NOL4L: variants seen among roughly 807,000 people sequenced by gnomAD.
The protein encoded by NOL4L is nucleolar protein 4 like.
NOL4L carries 7 observed loss-of-function variants against 64.5 expected under a neutral mutation model. That is an observed-to-expected ratio of 0.11 (90% CI 0.06 to 0.20). The LOEUF is 0.20. Ranked by LOEUF, NOL4L falls within the 10% of genes least tolerant of loss-of-function variation. The probability of loss-of-function intolerance (pLI) is 1.00; values close to 1 mark genes in which losing one functional copy is unlikely to be tolerated. For synonymous variants in NOL4L, 413 were observed against 401.0 expected (o/e 1.03, Z -0.36); for missense variants, 680 against 967.1 (o/e 0.70, Z 3.94).
chr20:32,534,516 T>G (rs2018448012), intron 1 of NOL4L, among the ~76,000 whole-genome samples: 1 of 152,224 alleles, frequency 6.6e-6, no homozygotes, highest in Admixed American at 6.5e-5. Context: ...TCCCAACTTC[T>G]GCAATCATGC....
intron 5 of NOL4L, 41 bp downstream of exon 5, chr20:32,474,560 C>A: frequency 6.3e-7 from 1 of 1,583,602 alleles, no homozygotes; most frequent in Non-Finnish European, 8.6e-7. Flanking sequence ...AGCAGGGGGC[C>A]GGGCACAGCC....
chr20:32,475,370 G>GCGGGGCAGGCCAGGGTT lies in NOL4L; in HGVS notation c.700-645_700-629dup, dbSNP rs1429023776. The GCGGGGCAGGCCAGGGTT allele has an allele frequency of 3.0e-6, 3 of 984,736 alleles. No homozygotes were observed. In the East Asian group the frequency reaches 3.4e-4, roughly 112 times the overall value. 61.0% of individuals were successfully genotyped at this position (984,736 alleles called of 1,614,324 possible). On this transcript the variant is annotated intron_variant, in intron 4 of 10. Coordinates refer to ENST00000621426, the MANE Select transcript of NOL4L (RefSeq NM_001256798.2). The stretch of plus-strand genomic sequence containing the variant: ...CCCAGAAGTGCAGAGAAGGAAGGGG[G>GCGGGGCAGGCCAGGGTT]CGGGGCAGGCCAGGGTTCGGACCAG...
chr20:32,488,880 T>TTTCTTTCTTTC (rs2016326452), intron 4 of NOL4L, among the ~76,000 whole-genome samples: 4 of 99,938 alleles, frequency 4.0e-5, no homozygotes, highest in East Asian at 2.9e-4. Flanking sequence ...TCTTTCTTTC[T>TTTCTTTCTTTC]TTCTTTCTTT....
chr20:32,530,921 C>CAA (rs561269935), intron 1 of NOL4L, among the ~76,000 whole-genome samples: 6 of 142,598 alleles, frequency 4.2e-5, no homozygotes, highest in African/African-American at 1.5e-4. Context: ...AACTCCATCT[C>CAA]AAAAAAAAAA....
intron 5 of NOL4L, chr20:32,465,041 G>A: frequency 3.1e-6 from 2 of 635,490 alleles, no homozygotes; most frequent in African/African-American, 1.9e-5. Context: ...AGACCCTGGG[G>A]TTCCTGGCCC....
intron 4 of NOL4L, among the ~76,000 whole-genome samples, chr20:32,509,304 G>A (rs527772192): frequency 6.6e-6 from 1 of 152,144 alleles, no homozygotes; most frequent in East Asian, 1.9e-4. Context: ...GATTGCTTGA[G>A]CCCAGGAGTT....
In NOL4L at chr20:32,453,924, C is replaced by T; in HGVS notation, c.1120-163G>A. ...GAGCAAGTCACTCCCCTCTTCTGCTCCCTTCATCTGTGCAATGGGGACAGC... is the reference window on the plus strand; with the variant it reads ...GAGCAAGTCACTCCCCTCTTCTGCTTCCTTCATCTGTGCAATGGGGACAGC... On this transcript the variant is annotated intron_variant, in intron 6 of 10. Transcript: ENST00000621426. This position sits in a 1 kb window ranked among gnomAD's most constrained non-coding sequence, Gnocchi z 5.6. 1 of 650,034 alleles carries T rather than the reference C, an allele frequency of 1.5e-6. No individual in the cohort carries two copies. The highest frequency in any genetic ancestry group is 2.6e-6 in the Non-Finnish European group (1 of 378,108). The allele number at this position is 650,034 out of a possible 1,614,324, so 40.3% of individuals were successfully genotyped here.
At position 32,470,665 on chromosome 20, in the gene NOL4L, G is replaced by A. The variant is rs567063231; in HGVS notation, c.841+3936C>T. Reference sequence around the variant, plus strand: ...TGTTCAGACCCAAAAGAAAGCCCACGCCTCAGCCGGGGCTTGGCCGAGGGT... The same window carrying A: ...TGTTCAGACCCAAAAGAAAGCCCACACCTCAGCCGGGGCTTGGCCGAGGGT... On this transcript the variant is annotated intron_variant, in intron 5 of 10. Coordinates refer to ENST00000621426, the MANE Select transcript of NOL4L (RefSeq NM_001256798.2). Among the ~76,000 whole-genome samples the A allele has an allele frequency of 5.3e-5, 8 of 152,374 alleles. No homozygotes were observed. In the East Asian group the frequency reaches 1.4e-3, roughly 26 times the overall value.
chr20:32,520,761 C>A, intron 3 of NOL4L, 50 bp downstream of exon 3: 1 of 1,172,330 alleles, frequency 8.5e-7, no homozygotes, highest in Admixed American at 2.2e-5. Flanking sequence ...AGGGACAGTC[C>A]ACTCTTAGAT....
intron 4 of NOL4L, among the ~76,000 whole-genome samples, chr20:32,483,865 G>C (rs1001211581): frequency 7.2e-6 from 1 of 138,274 alleles, no homozygotes; most frequent in African/African-American, 2.7e-5. Context: ...AGCTGGGCCA[G>C]GTAGGGGGGG....
In NOL4L at chr20:32,585,088, G is replaced by C. The variant is rs1980802813; in HGVS notation, c.-198C>G. ...GCTGCGGCGCGCTCTGTCCTGCTCG[G>C]GCGGCGGCGGCGGCGTTGGCGGCGG... is the stretch of plus-strand genomic sequence containing the variant. On this transcript the variant is annotated 5_prime_UTR_variant, in exon 1 of 11. Transcript: ENST00000621426. 6.3e-6 allele frequency: 1 copy of C among 158,254 alleles called. No homozygotes were observed. Among genetic ancestry groups the C allele is most frequent in the Non-Finnish European group, 1.3e-5 (1 of 76,446 alleles). 9.8% of individuals were successfully genotyped at this position (158,254 alleles called of 1,614,324 possible). A position where few individuals can be genotyped will look rare whatever the true frequency, so the allele number is the denominator to read the frequency against.
At chr20:32,512,324 T>TGAAC (rs2017444506) in intron 3 of NOL4L, among the ~76,000 whole-genome samples, 1 of 152,142 alleles carries the variant, frequency 6.6e-6, no homozygotes, top group Non-Finnish European at 1.5e-5. Flanking sequence ...ATCTTCCAGG[T>TGAAC]GAACACATGC....
At chr20:32,529,619 G>C (rs1390952254) in intron 1 of NOL4L, among the ~76,000 whole-genome samples, 1 of 152,192 alleles carries the variant, frequency 6.6e-6, no homozygotes, top group Non-Finnish European at 1.5e-5. Flanking sequence ...CCATTCAAGA[G>C]CAGAGAGCAG....
chr20:32,565,925 C>T (rs180736345), intron 1 of NOL4L, among the ~76,000 whole-genome samples: 3 of 152,026 alleles, frequency 2.0e-5, no homozygotes, highest in African/African-American at 2.4e-5. Flanking sequence ...TGGTGATGTG[C>T]CCTGTAGTGC....
At chr20:32,477,127 C>T (rs1297768378) in intron 4 of NOL4L, among the ~76,000 whole-genome samples, 9 of 152,206 alleles carry the variant, frequency 5.9e-5, no homozygotes, top group East Asian at 5.8e-4. Flanking sequence ...CCACTCAATA[C>T]GCACACTCTG....
chr20:32,483,919 C>G (rs1478731322), intron 4 of NOL4L, among the ~76,000 whole-genome samples: 1 of 148,268 alleles, frequency 6.7e-6, no homozygotes, highest in African/African-American at 2.5e-5. Context: ...CGGTGGGGAG[C>G]GCGCTCTTAA....
chr20:32,488,869 TTCTTTCTTTCTTTC>T (rs2016320117), intron 4 of NOL4L, among the ~76,000 whole-genome samples: 1 of 106,216 alleles, frequency 9.4e-6, no homozygotes, highest in African/African-American at 5.2e-5. Flanking sequence ...CTTTCTTTCT[TTCTTTCTTTCTTTC>T]TTTCTTTCTT....
In NOL4L at chr20:32,445,396, G is replaced by A. The variant is rs567606930; in HGVS notation, c.*2200C>T. 1 of 152,314 alleles carries A rather than the reference G, an allele frequency of 6.6e-6. No individual in the cohort carries two copies. Among genetic ancestry groups the A allele is most frequent in the South Asian group, 2.1e-4 (1 of 4,828 alleles). The allele number at this position is 152,314 out of a possible 1,614,324, so 9.4% of individuals were successfully genotyped here. On this transcript the variant is annotated 3_prime_UTR_variant, in exon 11 of 11. Transcript: ENST00000621426. The stretch of plus-strand genomic sequence containing the variant: ...CTAGCTTGGGTACTGCCTCTGGGAG[G>A]AGAAGTGACACGTTAAGTAACTGAT...
At chr20:32,498,887 T>C (rs933027418) in intron 4 of NOL4L, among the ~76,000 whole-genome samples, 1 of 152,176 alleles carries the variant, frequency 6.6e-6, no homozygotes, top group African/African-American at 2.4e-5. Flanking sequence ...TGTTTGTTTG[T>C]TTTTGAGGCA....
Sources: gnomAD v4.1 joint callset for allele counts (sites outside exome capture counted in the v4.1 genomes callset) on GRCh38, gnomAD v4.1.1 for gene constraint, Gnocchi (gnomAD v3.1) non-coding constraint, MANE v1.5 for transcripts, NCBI Gene and HGNC (gene_info 2026-07-23, HGNC 2026-07-21) for gene names.